The following CNTN4 variants were observed in gnomAD, a reference collection of about 807,000 sequenced individuals.
CNTN4 encodes contactin-4.
A neutral mutation model predicts 122.5 loss-of-function variants in CNTN4; 77 were observed. The observed-to-expected ratio is 0.63, with a 90% CI of 0.52 to 0.76. The LOEUF (loss-of-function observed/expected upper bound fraction) is 0.76, where lower values mean the gene tolerates loss of function less well. Ranked by LOEUF, CNTN4 falls within the 30% of genes least tolerant of loss-of-function variation. The pLI, the probability that CNTN4 is intolerant of heterozygous loss-of-function variation, is 0.00. For synonymous variants in CNTN4, 512 were observed against 447.0 expected, an observed-to-expected ratio of 1.15 and a Z score of -1.83; for missense variants, 1,256 against 1,259.1, an observed-to-expected ratio of 1.00 and a Z score of 0.04.
intron 2 of CNTN4, among the ~76,000 whole-genome samples, chr3:2,262,833 T>C (rs1178180227): frequency 6.6e-6 from 1 of 152,144 alleles, no homozygotes; most frequent in African/African-American, 2.4e-5. Flanking sequence ...AAACTTGAGA[T>C]AGGCATTCCA....
chr3:2,846,198 C>A (rs1185691247), intron 7 of CNTN4, among the ~76,000 whole-genome samples: 1 of 152,172 alleles, frequency 6.6e-6, no homozygotes, highest in Admixed American at 6.5e-5. Context: ...CAAATCTCAT[C>A]TTGAATTGTA....
chr3:2,247,822 G>A (rs2040213588), intron 2 of CNTN4, among the ~76,000 whole-genome samples: 1 of 151,964 alleles, frequency 6.6e-6, no homozygotes, highest in Non-Finnish European at 1.5e-5. Flanking sequence ...GATAATAATA[G>A]TGTCTTACTA....
At chr3:2,163,552 A>G (rs1421569158) in intron 2 of CNTN4, among the ~76,000 whole-genome samples, 3 of 152,188 alleles carry the variant, frequency 2.0e-5, no homozygotes, top group Non-Finnish European at 4.4e-5. Context: ...AATAGTCAGC[A>G]AGTAAATAGA....
intron 3 of CNTN4, among the ~76,000 whole-genome samples, chr3:2,487,760 G>A (rs545734412): frequency 1.3e-5 from 2 of 152,174 alleles, no homozygotes; most frequent in Non-Finnish European, 2.9e-5. Context: ...ATGAGAAACT[G>A]TCGTTTACGC....
intron 4 of CNTN4, among the ~76,000 whole-genome samples, chr3:2,573,987 T>C (rs188303207): frequency 6.6e-6 from 1 of 152,156 alleles, no homozygotes; most frequent in African/African-American, 2.4e-5. Flanking sequence ...GAGGCCGAGG[T>C]GGGTGGATAA....
chr3:2,254,396 G>A (rs2040496869), intron 2 of CNTN4, among the ~76,000 whole-genome samples: 1 of 152,104 alleles, frequency 6.6e-6, no homozygotes, highest in Non-Finnish European at 1.5e-5. Flanking sequence ...AATCCTTTGG[G>A]TATATACCCA....
At chr3:2,129,330 A>C (rs140301702) in intron 2 of CNTN4, among the ~76,000 whole-genome samples, 1 of 151,108 alleles carries the variant, frequency 6.6e-6, no homozygotes, top group African/African-American at 2.4e-5. Flanking sequence ...GGGTGCAGCT[A>C]TTTGTAATGA....
At chr3:2,708,088 A>G (rs553498637) in intron 4 of CNTN4, among the ~76,000 whole-genome samples, 2 of 152,164 alleles carry the variant, frequency 1.3e-5, no homozygotes, top group African/African-American at 4.8e-5. Context: ...AATTTAACCA[A>G]TTGCCTTCAG....
At chr3:2,401,313 A>G (rs559161329) in intron 3 of CNTN4, among the ~76,000 whole-genome samples, 1 of 152,120 alleles carries the variant, frequency 6.6e-6, no homozygotes, top group South Asian at 2.1e-4. Flanking sequence ...CCCAGAAATC[A>G]GGTCTCCTGA....
intron 2 of CNTN4, among the ~76,000 whole-genome samples, chr3:2,265,944 G>T (rs75294624): frequency 2.7e-4 from 41 of 152,020 alleles, no homozygotes; most frequent in African/African-American, 9.9e-4. Context: ...TTGAATTTGT[G>T]TATCAGATTT....
chr3:2,280,425 T>C (rs531967557), intron 2 of CNTN4, among the ~76,000 whole-genome samples: 220 of 152,320 alleles, frequency 1.4e-3, no homozygotes, highest in African/African-American at 4.5e-3. Flanking sequence ...TGTTTCTTCC[T>C]TTTGTACTCA....
At chr3:2,544,739 G>A (rs2078174783) in intron 3 of CNTN4, among the ~76,000 whole-genome samples, 1 of 150,682 alleles carries the variant, frequency 6.6e-6, no homozygotes, top group African/African-American at 2.4e-5. Context: ...TTCTAAATGT[G>A]TTTACTTGGA....
intron 3 of CNTN4, among the ~76,000 whole-genome samples, chr3:2,343,746 C>A (rs771736256): frequency 6.6e-6 from 1 of 152,216 alleles, no homozygotes; most frequent in Non-Finnish European, 1.5e-5. Flanking sequence ...AGACCCTCCA[C>A]TGGCAACATA....
chr3:3,017,439 G>C (rs1020771609), intron 14 of CNTN4, among the ~76,000 whole-genome samples: 1 of 152,196 alleles, frequency 6.6e-6, no homozygotes, highest in Non-Finnish European at 1.5e-5. Context: ...TGTGAGTGAT[G>C]ATAACCTGAA....
chr3:2,631,921 G>A (rs866755734), intron 4 of CNTN4, among the ~76,000 whole-genome samples: 9 of 150,440 alleles, frequency 6.0e-5, no homozygotes, highest in South Asian at 2.1e-4. Flanking sequence ...ACATGGTGGC[G>A]TGCACCTGTA....
intron 13 of CNTN4, among the ~76,000 whole-genome samples, chr3:2,943,441 A>T (rs2094636733): frequency 6.6e-6 from 1 of 152,030 alleles, no homozygotes; most frequent in African/African-American, 2.4e-5. Flanking sequence ...AGCACAGTCA[A>T]GTGAGAAGGA....
chr3:2,503,663 A>G (rs1237157791), intron 3 of CNTN4, among the ~76,000 whole-genome samples: 5 of 152,138 alleles, frequency 3.3e-5, no homozygotes, highest in Non-Finnish European at 7.4e-5. Context: ...CTTAACTTTG[A>G]CAGAGCTATC....
chr3:2,648,291 G>T (rs1387275272), intron 4 of CNTN4, among the ~76,000 whole-genome samples: 3 of 152,096 alleles, frequency 2.0e-5, no homozygotes, highest in Admixed American at 2.0e-4. Context: ...TTGTGTTATT[G>T]TGCTTTGCTT....
chr3:3,049,756 T>G (rs563911635), intron 23 of CNTN4, among the ~76,000 whole-genome samples: 1 of 152,300 alleles, frequency 6.6e-6, no homozygotes, highest in African/African-American at 2.4e-5. Context: ...ATGTCCCAAG[T>G]ACTGCAAAAA....
Sources: gnomAD v4.1 joint callset for allele counts (sites outside exome capture counted in the v4.1 genomes callset) on GRCh38, gnomAD v4.1.1 for gene constraint, MANE v1.5 for transcripts, NCBI Gene and HGNC (gene_info 2026-07-23, HGNC 2026-07-21) for gene names.